CASZ1: variants seen among roughly 807,000 people sequenced by gnomAD.
CASZ1 encodes castor zinc finger 1.
Under a neutral mutation model 135.2 loss-of-function variants are expected in CASZ1, and 28 were observed. The ratio of observed to expected loss-of-function variants is 0.21; its 90% CI spans 0.15 to 0.28. The LOEUF (loss-of-function observed/expected upper bound fraction) is 0.28. Among genes scored for constraint, CASZ1 ranks in the 10% least tolerant of loss-of-function variants. The probability of loss-of-function intolerance (pLI) is 1.00; values close to 1 mark genes in which losing one functional copy is unlikely to be tolerated. For missense variants in CASZ1, 2,161 were observed against 2,453.3 expected (o/e 0.88, Z 2.52); for synonymous variants, 1,068 against 1,073.4 (o/e 0.99, Z 0.10).
chr1:10,758,356 G>GAA (rs1424731842), intron 2 of CASZ1, among the ~76,000 whole-genome samples: 1 of 138,814 alleles, frequency 7.2e-6, no homozygotes, highest in Non-Finnish European at 1.5e-5. Context: ...TTTTGAGACA[G>GAA]AGTCTTGCTC....
chr1:10,707,115 C>T lies in CASZ1; in HGVS notation c.-76-1571G>A, dbSNP rs985515906. ...GGCTGGGGTGTCATCTTCACTGTCC[C>T]GTCCGTCCCACACACTCCTGTCTGA... is the stretch of plus-strand genomic sequence containing the variant. On this transcript the variant is annotated intron_variant, in intron 2 of 20. Transcript: ENST00000377022. The surrounding 1 kb of genome is among the most constrained non-coding windows in gnomAD (Gnocchi z 5.0). 6.6e-6 allele frequency among the ~76,000 whole-genome samples: 1 copy of T among 151,986 alleles called. No homozygotes were observed. The highest frequency in any genetic ancestry group is 1.5e-5 in the Non-Finnish European group (1 of 67,986).
chr1:10,646,771 G>A lies in CASZ1; in HGVS notation c.3498-445C>T, dbSNP rs1267308334. Among the ~76,000 whole-genome samples, 2 of 152,208 alleles carry A rather than the reference G, an allele frequency of 1.3e-5. No homozygotes were observed. Among genetic ancestry groups the A allele is most frequent in the African/African-American group, 4.8e-5 (2 of 41,458 alleles). ...GCAGATGGGTGCTCGGCCCCACCAG[G>A]AAGCGCTGCTGCCACAGGCCCTTAG... On this transcript the variant is annotated intron_variant, in intron 16 of 20. Transcript: ENST00000377022. The surrounding 1 kb of genome is among the most constrained non-coding windows in gnomAD (Gnocchi z 6.4).
In CASZ1 at chr1:10,720,699, T is replaced by C. The variant is rs143164545; in HGVS notation, c.-76-15155A>G. On this transcript the variant is annotated intron_variant, in intron 2 of 20. Transcript: ENST00000377022. This position sits in a 1 kb window ranked among gnomAD's most constrained non-coding sequence, Gnocchi z 5.7. Reference sequence around the variant, plus strand: ...TTCGCTTCTGCTGCCCCCAGAAAACTTTCCATCTGGGGAGAGGGAGGACGG... The same window carrying C: ...TTCGCTTCTGCTGCCCCCAGAAAACCTTCCATCTGGGGAGAGGGAGGACGG... Among the ~76,000 whole-genome samples, 110 of 152,234 alleles carry C rather than the reference T, an allele frequency of 7.2e-4. 2 individuals carry two copies. In the East Asian group the frequency reaches 0.018, roughly 25 times the overall value.
chr1:10,699,248 C>T lies in CASZ1; in HGVS notation c.-23-5336G>A, dbSNP rs1013019158. Among the ~76,000 whole-genome samples the T allele has an allele frequency of 6.6e-6, 1 of 152,346 alleles. No individual in the cohort carries two copies. Among genetic ancestry groups the T allele is most frequent in the Non-Finnish European group, 1.5e-5 (1 of 68,022 alleles). ...TCCTTCCCCTCTCCTGGGAAGTCAA[C>T]GGCCCTGAACTGGCCAGGAGGAACG... On this transcript the variant is annotated intron_variant, in intron 3 of 20. Transcript: ENST00000377022. The surrounding 1 kb of genome is among the most constrained non-coding windows in gnomAD (Gnocchi z 4.6).
At position 10,719,394 on chromosome 1, in the gene CASZ1, C is replaced by T. The variant is rs1011306150; in HGVS notation, c.-76-13850G>A. Among the ~76,000 whole-genome samples the T allele has an allele frequency of 5.3e-5, 8 of 152,198 alleles. No homozygotes were observed. Among genetic ancestry groups the T allele is most frequent in the Non-Finnish European group, 8.8e-5 (6 of 68,040 alleles). On this transcript the variant is annotated intron_variant, in intron 2 of 20. Transcript: ENST00000377022. The surrounding 1 kb of genome is among the most constrained non-coding windows in gnomAD (Gnocchi z 4.0). The stretch of plus-strand genomic sequence containing the variant: ...GACCTGAAAAGCTGCAACCTGCCCA[C>T]GAACTGTGGAGAATGGTAGCCCAAG...
At position 10,755,309 on chromosome 1, in the gene CASZ1, G is replaced by A. The variant is rs1162751845; in HGVS notation, c.-77+5392C>T. On this transcript the variant is annotated intron_variant, in intron 2 of 20. Coordinates refer to ENST00000377022, the MANE Select transcript of CASZ1 (RefSeq NM_001079843.3). This position sits in a 1 kb window ranked among gnomAD's most constrained non-coding sequence, Gnocchi z 4.3. ...CCTGGCAGGAGACCGGAGAGGAGGA[G>A]CTTGAAGGTCTACACGAGGAGATGA... Among the ~76,000 whole-genome samples, 2 of 152,172 alleles carry A rather than the reference G, an allele frequency of 1.3e-5. No individual in the cohort carries two copies. Among genetic ancestry groups the A allele is most frequent in the Non-Finnish European group, 2.9e-5 (2 of 68,030 alleles).
In CASZ1 at chr1:10,755,033, C is replaced by T. The variant is rs1050935927; in HGVS notation, c.-77+5668G>A. On this transcript the variant is annotated intron_variant, in intron 2 of 20. Transcript: ENST00000377022. The surrounding 1 kb of genome is among the most constrained non-coding windows in gnomAD (Gnocchi z 4.3). ...GAAAAGCCCCTGCTTCGGAGGAAAG[C>T]CAAGGAGCCGGACCAGAGAGAAAAC... Among the ~76,000 whole-genome samples, 21 of 152,194 alleles carry T rather than the reference C, an allele frequency of 1.4e-4. No homozygotes were observed. Among genetic ancestry groups the T allele is most frequent in the South Asian group, 2.1e-4 (1 of 4,836 alleles).
chr1:10,658,618 G>A (rs769338003), intron 6 of CASZ1, 42 bp from the exon 7 acceptor site: 49 of 1,569,386 alleles, frequency 3.1e-5, no homozygotes. Context: ...AGCAGATGGG[G>A]CAGCCTCGTG....
Position 10,639,410 on chromosome 1 carries a change from C to T in CASZ1, c.4812G>A (p.Ala1604=), listed in dbSNP as rs933919209. The change falls in exon 21 of 21, where the codon GCG becomes GCA. Residue 1604 remains alanine (A), a synonymous_variant. Transcript: ENST00000377022. The surrounding 1 kb of genome is among the most constrained non-coding windows in gnomAD (Gnocchi z 4.0). ...KHEKQERGEP[A]AEGPAPGPPI... ...GAGGCCCGGGCGCGGGGCCCTCTGC[C>T]GCGGGCTCGCCGCGCTCCTGCTTCT... 6 of 1,551,812 alleles carry T rather than the reference C, an allele frequency of 3.9e-6. No homozygotes were observed. The African/African-American group carries it at 4.1e-5, about 11-fold the overall frequency.
In CASZ1 at chr1:10,767,674, C is replaced by T. The variant is rs1640501387; in HGVS notation, c.-233-6817G>A. Reference sequence around the variant, plus strand: ...CTTTTTAAAAAAAATTTAATGTTCTCTATAATTCATCCATCGCAGAAGATA... The same window carrying T: ...CTTTTTAAAAAAAATTTAATGTTCTTTATAATTCATCCATCGCAGAAGATA... On this transcript the variant is annotated intron_variant, in intron 1 of 20. Coordinates refer to ENST00000377022, the MANE Select transcript of CASZ1 (RefSeq NM_001079843.3). This position sits in a 1 kb window ranked among gnomAD's most constrained non-coding sequence, Gnocchi z 4.2. 6.6e-6 allele frequency among the ~76,000 whole-genome samples: 1 copy of T among 152,186 alleles called. No homozygotes were observed. Among genetic ancestry groups the T allele is most frequent in the Non-Finnish European group, 1.5e-5 (1 of 68,026 alleles).
chr1:10,782,079 C>T (rs1640772763), intron 1 of CASZ1, among the ~76,000 whole-genome samples: 1 of 152,224 alleles, frequency 6.6e-6, no homozygotes, highest in South Asian at 2.1e-4. Flanking sequence ...CATCGCTGTG[C>T]CTCTTGCCCT....
chr1:10,680,285 T>TGGC (rs1557500162), intron 4 of CASZ1, among the ~76,000 whole-genome samples: 70 of 92,732 alleles, frequency 7.5e-4, no homozygotes, highest in African/African-American at 3.0e-3. Context: ...CGGCGGGGGA[T>TGGC]GGTGGAGGGG....
Position 10,777,904 on chromosome 1 carries a change from C to T in CASZ1, c.-233-17047G>A, listed in dbSNP as rs564361982. Among the ~76,000 whole-genome samples the T allele has an allele frequency of 1.3e-5, 2 of 152,170 alleles. No individual in the cohort carries two copies. The highest frequency in any genetic ancestry group is 4.1e-4 in the South Asian group (2 of 4,828). ...AATCACACAATTTCACACAAAATCTCACACACAGGCACACACAGTCTTCCA... is the reference window on the plus strand; with the variant it reads ...AATCACACAATTTCACACAAAATCTTACACACAGGCACACACAGTCTTCCA... On this transcript the variant is annotated intron_variant, in intron 1 of 20. Coordinates refer to ENST00000377022, the MANE Select transcript of CASZ1 (RefSeq NM_001079843.3). The surrounding 1 kb of genome is among the most constrained non-coding windows in gnomAD (Gnocchi z 4.4).
In CASZ1 at chr1:10,756,632, G is replaced by T. The variant is rs373288835; in HGVS notation, c.-77+4069C>A. The stretch of plus-strand genomic sequence containing the variant: ...CCTCACAGATGGTGTCAGGACCCAG[G>T]AGAGTGGAGCCTCATGTCAGAGGCA... On this transcript the variant is annotated intron_variant, in intron 2 of 20. Transcript: ENST00000377022. This position sits in a 1 kb window ranked among gnomAD's most constrained non-coding sequence, Gnocchi z 5.9. Among the ~76,000 whole-genome samples, 24 of 152,342 alleles carry T rather than the reference G, an allele frequency of 1.6e-4. No individual in the cohort carries two copies. The East Asian group carries it at 4.4e-3, about 28-fold the overall frequency.
chr1:10,691,352 T>C (rs1031147096), intron 4 of CASZ1, among the ~76,000 whole-genome samples: 3 of 152,184 alleles, frequency 2.0e-5, no homozygotes, highest in Admixed American at 6.5e-5. Flanking sequence ...GGGGTCCACA[T>C]GGCCCCTGAG....
At chr1:10,674,610 A>C (rs1382358304) in intron 4 of CASZ1, among the ~76,000 whole-genome samples, 3 of 152,220 alleles carry the variant, frequency 2.0e-5, no homozygotes, top group Non-Finnish European at 4.4e-5. Context: ...ATGTGGGCAC[A>C]CGTCTGGCTG....
rs1018449961 is a variant in CASZ1, at chr1:10,655,792, C to A, written c.1522G>T (p.Val508Leu). The A allele has an allele frequency of 6.2e-7, 1 of 1,614,102 alleles. No homozygotes were observed. Among genetic ancestry groups the A allele is most frequent in the African/African-American group, 1.3e-5 (1 of 75,064 alleles). ...NYQRFTSKQDVIRHYNMHKKR... is the reference protein window; with the variant it reads ...NYQRFTSKQDLIRHYNMHKKR... ...TTGTGCATGTTGTAGTGGCGGATCA[C>A]GTCCTGCTTACTCGTGAACCTCTGC... The change falls in exon 9 of 21, where the codon GTG becomes TTG. Residue 508 changes from valine to leucine, a missense_variant. Physicochemically the swap from Val to Leu is conservative, Grantham distance 32. Around this residue, in one of 7 missense-constraint regions of CASZ1, gnomAD observed 248 missense variants for 410.8 expected, o/e 0.60. Transcript: ENST00000377022.
intron 4 of CASZ1, among the ~76,000 whole-genome samples, chr1:10,671,837 T>C (rs778778840): frequency 5.8e-4 from 89 of 152,328 alleles, no homozygotes; most frequent in Non-Finnish European, 1.1e-3. Context: ...CCAAATGCCA[T>C]GCAGTGCACT....
At chr1:10,785,526 C>T (rs577578583) in intron 1 of CASZ1, among the ~76,000 whole-genome samples, 75 of 152,354 alleles carry the variant, frequency 4.9e-4, no homozygotes, top group African/African-American at 1.8e-3. Flanking sequence ...CAGTGCCCCC[C>T]GCTTCACGGC....
Sources: allele counts gnomAD v4.1 joint callset (sites outside exome capture counted in the v4.1 genomes callset), GRCh38; gene constraint gnomAD v4.1.1; regional missense constraint gnomAD v4.1.1; non-coding constraint Gnocchi (gnomAD v3.1); transcripts MANE v1.5; gene names NCBI Gene and HGNC (gene_info 2026-07-23, HGNC 2026-07-21).